Variants in COP1 observed in about 807,000 individuals in gnomAD.
COP1 encodes the protein COP1 E3 ubiquitin ligase.
A neutral mutation model predicts 101.3 loss-of-function variants in COP1; 24 were observed. That is an observed-to-expected ratio of 0.24 (90% confidence interval 0.17 to 0.33). The LOEUF (loss-of-function observed/expected upper bound fraction) is 0.33. Ranked by LOEUF, COP1 falls within the 10% of genes least tolerant of loss-of-function variation. The pLI is 1.00. For missense variants in COP1, 663 were observed against 906.2 expected, an observed-to-expected ratio of 0.73 and a Z score of 3.45; for synonymous variants, 347 against 341.9, an observed-to-expected ratio of 1.01 and a Z score of -0.17.
intron 15 of COP1, among the ~76,000 whole-genome samples, chr1:176,020,082 T>C (rs764062934): frequency 6.6e-6 from 1 of 151,484 alleles, no homozygotes; most frequent in Non-Finnish European, 1.5e-5. Flanking sequence ...TCCCAGCACT[T>C]TGGGCAGATC....
chr1:176,095,250 C>T (rs979198160), intron 9 of COP1, among the ~76,000 whole-genome samples: 2 of 152,190 alleles, frequency 1.3e-5, no homozygotes, highest in Non-Finnish European at 2.9e-5. Context: ...TAATGACTAG[C>T]TTTAAAGCAA....
At chr1:176,094,406 T>C (rs538496128) in intron 9 of COP1, among the ~76,000 whole-genome samples, 5 of 151,812 alleles carry the variant, frequency 3.3e-5, no homozygotes, top group African/African-American at 9.6e-5. Context: ...AAATGTGCTA[T>C]GTATGCAGAG....
intron 18 of COP1, among the ~76,000 whole-genome samples, chr1:175,948,170 C>A (rs1649421233): frequency 6.6e-6 from 1 of 152,156 alleles, no homozygotes; most frequent in South Asian, 2.1e-4. Context: ...AAAAACATTT[C>A]TCTGGAAAGT....
chr1:176,130,102 G>A (rs967604258), intron 8 of COP1, among the ~76,000 whole-genome samples: 2 of 151,484 alleles, frequency 1.3e-5, no homozygotes, highest in East Asian at 3.9e-4. Context: ...AAAATTCAGA[G>A]ATAATCAAAC....
intron 5 of COP1, among the ~76,000 whole-genome samples, chr1:176,149,749 G>C (rs972565136): frequency 6.6e-6 from 1 of 152,104 alleles, no homozygotes; most frequent in African/African-American, 2.4e-5. Flanking sequence ...AAAAACACAA[G>C]TATGTATCAT....
chr1:175,948,067 T>G (rs1196513535), intron 18 of COP1, among the ~76,000 whole-genome samples: 1 of 152,238 alleles, frequency 6.6e-6, no homozygotes, highest in East Asian at 1.9e-4. Context: ...TTTTTAATTA[T>G]TCTATCATTC....
chr1:175,994,526 C>A (rs1659576955), intron 15 of COP1, among the ~76,000 whole-genome samples: 1 of 151,986 alleles, frequency 6.6e-6, no homozygotes, highest in Admixed American at 6.6e-5. Context: ...CACACATAGG[C>A]TCAAAATAAA....
At chr1:176,008,544 C>T (rs1663993575) in intron 15 of COP1, among the ~76,000 whole-genome samples, 1 of 151,730 alleles carries the variant, frequency 6.6e-6, no homozygotes, top group South Asian at 2.1e-4. Context: ...GTTTAATTAC[C>T]TTTTTTGAAT....
chr1:176,065,320 A>G (rs1420878304), intron 11 of COP1, among the ~76,000 whole-genome samples: 50 of 152,214 alleles, frequency 3.3e-4, no homozygotes, highest in Non-Finnish European at 1.5e-5. Flanking sequence ...ATGCTCTTAC[A>G]GTAATGTCCT....
intron 1 of COP1, among the ~76,000 whole-genome samples, chr1:176,195,360 T>C (rs549022039): frequency 5.9e-5 from 9 of 152,138 alleles, no homozygotes; most frequent in East Asian, 1.9e-4. Flanking sequence ...AAAGGAGACA[T>C]AGCCAAATCT....
chr1:176,176,998 G>A (rs949684430), intron 2 of COP1, among the ~76,000 whole-genome samples: 1 of 151,944 alleles, frequency 6.6e-6, no homozygotes, highest in African/African-American at 2.4e-5. Context: ...TTATCCTAAG[G>A]AAATATATAT....
chr1:176,111,164 TA>T (rs746220451), intron 9 of COP1, among the ~76,000 whole-genome samples: 14 of 151,828 alleles, frequency 9.2e-5, no homozygotes, highest in African/African-American at 9.7e-5. Flanking sequence ...AAAATAAAAA[TA>T]ATAATAATAA....
At position 176,027,644 on chromosome 1, in the gene COP1, C is replaced by A; in HGVS notation, c.1657G>T (p.Glu553Ter). 1 of 1,613,772 alleles carries A rather than the reference C, an allele frequency of 6.2e-7. No individual in the cohort carries two copies. Among genetic ancestry groups the A allele is most frequent in the Non-Finnish European group, 8.5e-7 (1 of 1,179,766 alleles). Reference sequence around the variant, plus strand: ...ACACAGCACACATTAGCCTTTGCCTCAATGCTTGCCACTGAGTTGTCTAGA... The same window carrying A: ...ACACAGCACACATTAGCCTTTGCCTAAATGCTTGCCACTGAGTTGTCTAGA... ...TNLDNSVASI[E>*]AKANVCCVKF... The change falls in exon 15 of 20, where the codon GAG becomes TAG. Residue 553 changes from glutamate to a stop codon, truncating the protein, a stop_gained. Transcript: ENST00000367669. LOFTEE classifies it high-confidence loss of function.
chr1:175,991,507 C>A (rs146864329), intron 15 of COP1, among the ~76,000 whole-genome samples: 10 of 152,182 alleles, frequency 6.6e-5, no homozygotes, highest in Admixed American at 4.6e-4. Context: ...TAACAGTATA[C>A]CTAGGCTACA....
chr1:176,206,661 T>A lies in COP1; in HGVS notation c.318A>T (p.Leu106=). The change falls in exon 1 of 20, where the codon CTA becomes CTT. Residue 106 remains leucine (L), a synonymous_variant. Coordinates refer to ENST00000367669, the MANE Select transcript of COP1 (RefSeq NM_022457.7). ...SAGVGGSSSS[L]GSGSRKRPLL... is the part of the protein sequence containing the mutation. Reference sequence around the variant, plus strand: ...GAGGTCGCTTCCTGCTGCCGCTGCCTAGGCTGGAGCTGCTGCCTCCTACGC... The same window carrying A: ...GAGGTCGCTTCCTGCTGCCGCTGCCAAGGCTGGAGCTGCTGCCTCCTACGC... The A allele has an allele frequency of 1.2e-6, 2 of 1,611,168 alleles. No homozygotes were observed. The highest frequency in any genetic ancestry group is 2.7e-5 in the African/African-American group (2 of 75,058).
chr1:176,058,141 G>GGT (rs1295432050), intron 11 of COP1, among the ~76,000 whole-genome samples: 2 of 140,382 alleles, frequency 1.4e-5, no homozygotes, highest in Admixed American at 7.0e-5. Flanking sequence ...GGGGTGGGGG[G>GGT]GGGGTCAGCC....
intron 15 of COP1, among the ~76,000 whole-genome samples, chr1:176,014,592 T>A (rs75979890): frequency 0.14 from 21,264 of 152,060 alleles, 1,890 homozygotes; most frequent in East Asian, 0.32. Context: ...CATGTTTTTT[T>A]AAAAATTAAA....
At chr1:176,183,698 A>C (rs1422136942) in intron 2 of COP1, among the ~76,000 whole-genome samples, 1 of 152,210 alleles carries the variant, frequency 6.6e-6, no homozygotes, top group African/African-American at 2.4e-5. Flanking sequence ...AGGTAGAAGA[A>C]GCAACCCCAG....
chr1:176,167,080 T>C (rs552103011), intron 3 of COP1, among the ~76,000 whole-genome samples: 2 of 152,346 alleles, frequency 1.3e-5, no homozygotes, highest in East Asian at 3.9e-4. Context: ...ACTTCAAAAA[T>C]TTAACAGAAG....
Sources: gnomAD v4.1 joint callset for allele counts (sites outside exome capture counted in the v4.1 genomes callset) on GRCh38, gnomAD v4.1.1 for gene constraint, MANE v1.5 for transcripts, NCBI Gene and HGNC (gene_info 2026-07-23, HGNC 2026-07-21) for gene names.